The following PRKCE variants were observed in gnomAD, a reference collection of about 807,000 sequenced individuals.
The protein encoded by PRKCE is protein kinase C epsilon, also known as protein kinase C epsilon type.
PRKCE carries 16 observed loss-of-function variants against 85.4 expected under a neutral mutation model. The observed-to-expected ratio is 0.19, with a 90% confidence interval of 0.13 to 0.28. The LOEUF is 0.28. Among genes scored for constraint, PRKCE ranks in the 10% least tolerant of loss-of-function variants. The probability of loss-of-function intolerance (pLI) is 1.00; values close to 1 mark genes in which losing one functional copy is unlikely to be tolerated. For missense variants in PRKCE, 573 were observed against 975.2 expected, an observed-to-expected ratio of 0.59 and a Z score of 5.49; for synonymous variants, 388 against 371.5, an observed-to-expected ratio of 1.04 and a Z score of -0.51.
intron 2 of PRKCE, among the ~76,000 whole-genome samples, chr2:45,892,659 G>C (rs1695820997): frequency 6.6e-6 from 1 of 152,156 alleles, no homozygotes; most frequent in East Asian, 1.9e-4. Flanking sequence ...GGCTGCCCTG[G>C]CGGTGGCCCA....
At chr2:45,733,736 C>T (rs559052239) in intron 1 of PRKCE, among the ~76,000 whole-genome samples, 1 of 152,304 alleles carries the variant, frequency 6.6e-6, no homozygotes, top group South Asian at 2.1e-4. Context: ...AGTCTCTCTT[C>T]CCCCAAAGTC....
chr2:46,034,557 T>C (rs566516051), intron 10 of PRKCE, among the ~76,000 whole-genome samples: 2 of 152,300 alleles, frequency 1.3e-5, no homozygotes, highest in Admixed American at 6.5e-5. Flanking sequence ...GCTGCTTCCT[T>C]CCGAAGATCC....
intron 1 of PRKCE, among the ~76,000 whole-genome samples, chr2:45,654,047 G>A (rs548348024): frequency 6.6e-6 from 1 of 152,328 alleles, no homozygotes; most frequent in South Asian, 2.1e-4. Flanking sequence ...CTGAAAACCT[G>A]TGATTTTGGA....
At chr2:45,734,989 G>A (rs1681927201) in intron 1 of PRKCE, among the ~76,000 whole-genome samples, 1 of 152,222 alleles carries the variant, frequency 6.6e-6, no homozygotes, top group Non-Finnish European at 1.5e-5. Context: ...CCTCTGCCCA[G>A]TCCTGCTTCT....
In PRKCE at chr2:46,004,747, C is replaced by A; in HGVS notation, c.1063+109C>A. On this transcript the variant is annotated intron_variant, in intron 8 of 14. Coordinates refer to ENST00000306156, the MANE Select transcript of PRKCE (RefSeq NM_005400.3). This position sits in a 1 kb window ranked among gnomAD's most constrained non-coding sequence, Gnocchi z 4.1. ...TGAGCTTGTTAGCTGAAATAGCTAG[C>A]AGCCCTGGTGGGTTTTCACACACCC... 1.0e-6 allele frequency: 1 copy of A among 963,630 alleles called. No individual in the cohort carries two copies. The highest frequency in any genetic ancestry group is 1.6e-6 in the Non-Finnish European group (1 of 635,522). 59.7% of individuals were successfully genotyped at this position (963,630 alleles called of 1,614,324 possible). A position where few individuals can be genotyped will look rare whatever the true frequency, so the allele number is the denominator to read the frequency against.
intron 1 of PRKCE, among the ~76,000 whole-genome samples, chr2:45,728,741 C>A (rs1164003215): frequency 6.6e-6 from 1 of 152,204 alleles, no homozygotes; most frequent in African/African-American, 2.4e-5. Flanking sequence ...GCAATAACAG[C>A]TGCTAATTAT....
intron 1 of PRKCE, among the ~76,000 whole-genome samples, chr2:45,691,501 ATAAC>A (rs1050410241): frequency 6.6e-6 from 1 of 152,358 alleles, no homozygotes; most frequent in Admixed American, 6.5e-5. Flanking sequence ...AGAAAAGAGA[ATAAC>A]TAACTGTCTG....
chr2:46,148,080 G>A (rs867878504), intron 12 of PRKCE, among the ~76,000 whole-genome samples: 1 of 152,242 alleles, frequency 6.6e-6, no homozygotes, highest in Middle Eastern at 3.2e-3. Context: ...TTGGAGGCAT[G>A]AGGTCTGCCC....
At chr2:46,059,642 T>G (rs1666921591) in intron 10 of PRKCE, among the ~76,000 whole-genome samples, 1 of 152,186 alleles carries the variant, frequency 6.6e-6, no homozygotes, top group Non-Finnish European at 1.5e-5. Context: ...CCTACCATGC[T>G]TGCACTTCTC....
intron 2 of PRKCE, among the ~76,000 whole-genome samples, chr2:45,926,703 AC>A (rs1382347997): frequency 2.0e-5 from 3 of 152,232 alleles, no homozygotes; most frequent in African/African-American, 7.2e-5. Flanking sequence ...TGTGACATGG[AC>A]AGCCGTGGCT....
intron 11 of PRKCE, among the ~76,000 whole-genome samples, chr2:46,114,272 G>C (rs139710264): frequency 2.0e-5 from 3 of 152,096 alleles, no homozygotes; most frequent in Non-Finnish European, 4.4e-5. Context: ...GGACATTTCT[G>C]TGCCTGTCTT....
chr2:45,980,762 AGCTG>A (rs963722715), intron 5 of PRKCE, among the ~76,000 whole-genome samples: 1 of 7,632 alleles, frequency 1.3e-4, no homozygotes, highest in African/African-American at 1.0e-3. Context: ...CTAATGAGCT[AGCTG>A]ATGGGGGAGT....
intron 1 of PRKCE, among the ~76,000 whole-genome samples, chr2:45,835,432 G>T (rs566638271): frequency 6.6e-6 from 1 of 152,144 alleles, no homozygotes; most frequent in South Asian, 2.1e-4. Context: ...GGCATTCACT[G>T]GCCACTTCCA....
At chr2:45,760,420 G>A (rs1170398958) in intron 1 of PRKCE, among the ~76,000 whole-genome samples, 4 of 152,080 alleles carry the variant, frequency 2.6e-5, no homozygotes, top group African/African-American at 9.7e-5. Context: ...AACTCTTCAG[G>A]GGAGGCAAAA....
chr2:46,111,988 C>T (rs1672300489), intron 11 of PRKCE, among the ~76,000 whole-genome samples: 1 of 152,162 alleles, frequency 6.6e-6, no homozygotes, highest in Non-Finnish European at 1.5e-5. Flanking sequence ...ATCTGTTTTT[C>T]TTATTATATA....
At chr2:45,919,612 G>A (rs115966542) in intron 2 of PRKCE, among the ~76,000 whole-genome samples, 1,643 of 152,328 alleles carry the variant, frequency 0.011, 21 homozygotes, top group African/African-American at 0.037. Flanking sequence ...GATCAGGGGC[G>A]GGGAAGGCCA....
intron 10 of PRKCE, among the ~76,000 whole-genome samples, chr2:46,032,899 A>C (rs1707626531): frequency 6.6e-6 from 1 of 152,190 alleles, no homozygotes; most frequent in Non-Finnish European, 1.5e-5. Context: ...CAACTGTGAG[A>C]AAAGAGCTCT....
chr2:45,926,458 T>C (rs573235681), intron 2 of PRKCE, among the ~76,000 whole-genome samples: 1 of 152,230 alleles, frequency 6.6e-6, no homozygotes, highest in South Asian at 2.1e-4. Flanking sequence ...GTGGTGGTGG[T>C]AATGGCGGTG....
chr2:46,084,331 T>C (rs1669375879), intron 10 of PRKCE, among the ~76,000 whole-genome samples: 1 of 152,176 alleles, frequency 6.6e-6, no homozygotes, highest in Non-Finnish European at 1.5e-5. Context: ...ATAGATATGC[T>C]TTGTAAATAA....
Sources: allele counts gnomAD v4.1 joint callset (sites outside exome capture counted in the v4.1 genomes callset), GRCh38; gene constraint gnomAD v4.1.1; non-coding constraint Gnocchi (gnomAD v3.1); transcripts MANE v1.5; gene names NCBI Gene and HGNC (gene_info 2026-07-23, HGNC 2026-07-21).